Variants in H3C3 observed in about 807,000 individuals in gnomAD.
H3C3 encodes H3 clustered histone 3, also known as histone H3.1.
Under a neutral mutation model 7.7 loss-of-function variants are expected in H3C3, and 14 were observed. The observed-to-expected ratio is 1.81, with a 90% CI of 1.20 to 2.83. The LOEUF (loss-of-function observed/expected upper bound fraction) is 2.83, where lower values mean the gene tolerates loss of function less well. Ranked by LOEUF, H3C3 falls within the 30% of genes most tolerant of loss-of-function variation. H3C3 has a pLI of 0.00. For missense variants in H3C3, 205 were observed against 191.2 expected (o/e 1.07, Z -0.43); for synonymous variants, 178 against 77.1 (o/e 2.31, Z -6.86).
chr6:26,045,861 A>G lies in H3C3; in HGVS notation c.*40A>G. The G allele has an allele frequency of 6.4e-7, 1 of 1,569,562 alleles. No homozygotes were observed. The highest frequency in any genetic ancestry group is 8.7e-7 in the Non-Finnish European group (1 of 1,151,162). Reference sequence around the variant, plus strand: ...TCCTCATTGAAAAGGCTCTTTTCAGAGCCACTCACAATTTCACTTAAAAAC... The same window carrying G: ...TCCTCATTGAAAAGGCTCTTTTCAGGGCCACTCACAATTTCACTTAAAAAC... On this transcript the variant is annotated 3_prime_UTR_variant, in exon 1 of 1. Transcript: ENST00000612966.
At position 26,045,713 on chromosome 6, in the gene H3C3, G is replaced by A. The variant is rs757321049; in HGVS notation, c.303G>A (p.Leu101=). Residue 101 remains leucine (L), a synonymous_variant, in exon 1 of 1, where the codon CTG becomes CTA. Transcript: ENST00000612966. ...MALQEACEAY[L]VGLFEDTNLC... is the part of the protein sequence containing the mutation. Reference sequence around the variant, plus strand: ...TGCAGGAGGCTTGTGAGGCCTACCTGGTGGGACTCTTCGAAGACACCAATC... The same window carrying A: ...TGCAGGAGGCTTGTGAGGCCTACCTAGTGGGACTCTTCGAAGACACCAATC... 4 of 1,614,226 alleles carry A rather than the reference G, an allele frequency of 2.5e-6. No individual in the cohort carries two copies. The highest frequency in any genetic ancestry group is 2.2e-5 in the East Asian group (1 of 44,886).
chr6:26,045,580 A>G lies in H3C3; in HGVS notation c.170A>G (p.Lys57Arg). 6.2e-7 allele frequency: 1 copy of G among 1,614,218 alleles called. No individual in the cohort carries two copies. The highest frequency in any genetic ancestry group is 8.5e-7 in the Non-Finnish European group (1 of 1,180,032). ...TTGCGCGAAATCCGTCGCTACCAGA[A>G]GTCCACCGAGCTGCTGATCCGGAAG... Reference protein sequence around the residue: ...VALREIRRYQKSTELLIRKLP... With the variant: ...VALREIRRYQRSTELLIRKLP... Residue 57 changes from lysine (K) to arginine (R), a missense_variant, in exon 1 of 1, where the codon AAG becomes AGG. Transcript: ENST00000612966.
In H3C3 at chr6:26,045,480, A is replaced by G. The variant is rs1761727537; in HGVS notation, c.70A>G (p.Lys24Glu). 1 of 1,612,520 alleles carries G rather than the reference A, an allele frequency of 6.2e-7. No individual in the cohort carries two copies. ...GKAPRKQLAT[K>E]AARKSAPATG... ...AGCTCCGCGCAAGCAGCTTGCTACT[A>G]AAGCAGCCCGTAAGAGCGCTCCGGC... The change falls in exon 1 of 1, where the codon AAA (lysine) becomes GAA (glutamate). Residue 24 changes from lysine to glutamate, a missense_variant. By Grantham distance (56) the Lys-to-Glu change is moderately conservative. Coordinates refer to ENST00000612966, the MANE Select transcript of H3C3 (RefSeq NM_003531.3).
chr6:26,045,553 C>T lies in H3C3; in HGVS notation c.143C>T (p.Ala48Val). Residue 48 changes from alanine (A) to valine (V), a missense_variant, in exon 1 of 1, where the codon GCC becomes GTC. Coordinates refer to ENST00000612966, the MANE Select transcript of H3C3 (RefSeq NM_003531.3). ...CATCGCTACCGCCCGGGCACCGTGGCCTTGCGCGAAATCCGTCGCTACCAG... is the reference window on the plus strand; with the variant it reads ...CATCGCTACCGCCCGGGCACCGTGGTCTTGCGCGAAATCCGTCGCTACCAG... ...KPHRYRPGTV[A>V]LREIRRYQKS... 6.2e-7 allele frequency: 1 copy of T among 1,614,116 alleles called. No homozygotes were observed.
Position 26,045,627 on chromosome 6 carries a change from C to CGA in H3C3, c.220_221dup (p.Ile75LysfsTer17). 6.2e-7 allele frequency: 1 copy of CGA among 1,614,240 alleles called. No homozygotes were observed. Among genetic ancestry groups the CGA allele is most frequent in the Admixed American group, 1.7e-5 (1 of 60,030 alleles). ...GAAGCTGCCGTTCCAGCGCCTGGTG[C>CGA]GAGAAATCGCCCAGGACTTCAAAAC... On this transcript the variant is annotated frameshift_variant, in exon 1 of 1. Coordinates refer to ENST00000612966, the MANE Select transcript of H3C3 (RefSeq NM_003531.3). LOFTEE classifies it high-confidence loss of function.
chr6:26,045,850 G>T lies in H3C3; in HGVS notation c.*29G>T, dbSNP rs1289318519. 1 of 1,595,516 alleles carries T rather than the reference G, an allele frequency of 6.3e-7. No individual in the cohort carries two copies. Among genetic ancestry groups the T allele is most frequent in the South Asian group, 1.1e-5 (1 of 90,146 alleles). On this transcript the variant is annotated 3_prime_UTR_variant, in exon 1 of 1. Transcript: ENST00000612966. ...TGCCCGTTTCTTCCTCATTGAAAAG[G>T]CTCTTTTCAGAGCCACTCACAATTT...
rs369539577 is a variant in H3C3 at position 26,045,408 on chromosome 6, C to T, written c.-3C>T. On this transcript the variant is annotated 5_prime_UTR_variant, in exon 1 of 1. Transcript: ENST00000612966. ...TACACTTTTGTGTGTGCTCTCATTG[C>T]AAATGGCTCGTACGAAGCAAACAGC... 29 of 1,599,124 alleles carry T rather than the reference C, an allele frequency of 1.8e-5. No homozygotes were observed. The highest frequency in any genetic ancestry group is 6.7e-5 in the East Asian group (3 of 44,846).
In H3C3 at chr6:26,045,670, G is replaced by T. The variant is rs771458123; in HGVS notation, c.260G>T (p.Ser87Ile). ...TTCAAAACCGACCTGCGTTTCCAGA[G>T]CTCTGCGGTGATGGCGCTGCAGGAG... ...QDFKTDLRFQ[S>I]SAVMALQEAC... Residue 87 changes from serine to isoleucine, a missense_variant, in exon 1 of 1, where the codon AGC becomes ATC. By Grantham distance (142) the Ser-to-Ile change is moderately radical (BLOSUM62 -2). Coordinates refer to ENST00000612966, the MANE Select transcript of H3C3 (RefSeq NM_003531.3). 6 of 1,614,236 alleles carry T rather than the reference G, an allele frequency of 3.7e-6. No homozygotes were observed. The highest frequency in any genetic ancestry group is 2.2e-5 in the East Asian group (1 of 44,890).
rs757321049 is a variant in H3C3, at chr6:26,045,713, G to C, written c.303G>C (p.Leu101=). The stretch of plus-strand genomic sequence containing the variant: ...TGCAGGAGGCTTGTGAGGCCTACCT[G>C]GTGGGACTCTTCGAAGACACCAATC... ...MALQEACEAY[L]VGLFEDTNLC... The change falls in exon 1 of 1, where the codon CTG becomes CTC. Residue 101 remains leucine, a synonymous_variant. Transcript: ENST00000612966. The C allele has an allele frequency of 1.9e-6, 3 of 1,614,226 alleles. No individual in the cohort carries two copies. Among genetic ancestry groups the C allele is most frequent in the Admixed American group, 1.7e-5 (1 of 60,028 alleles).
At position 26,045,491 on chromosome 6, in the gene H3C3, T is replaced by G. The variant is rs768014161; in HGVS notation, c.81T>G (p.Arg27=). ...PRKQLATKAA[R]KSAPATGGVK... is the part of the protein sequence containing the mutation. ...AGCAGCTTGCTACTAAAGCAGCCCG[T>G]AAGAGCGCTCCGGCCACCGGTGGCG... Residue 27 remains arginine (R), a synonymous_variant, in exon 1 of 1, where the codon CGT becomes CGG. Coordinates refer to ENST00000612966, the MANE Select transcript of H3C3 (RefSeq NM_003531.3). The G allele has an allele frequency of 3.1e-6, 5 of 1,612,976 alleles. No homozygotes were observed. The highest frequency in any genetic ancestry group is 4.2e-6 in the Non-Finnish European group (5 of 1,179,712).
rs1377337333 is a variant in H3C3, at chr6:26,045,795, CG to C, written c.386del (p.Arg129LeufsTer?). On this transcript the variant is annotated frameshift_variant, in exon 1 of 1. Transcript: ENST00000612966. LOFTEE classifies it high-confidence loss of function. Reference sequence around the variant, plus strand: ...CATGCCCAAAGATATCCAGCTGGCACGTCGCATCCGTGGGGAAAGGGCATAA... The same window carrying C: ...CATGCCCAAAGATATCCAGCTGGCACTCGCATCCGTGGGGAAAGGGCATAA... ...TIMPKDIQLA[R>X]RIRGERA The C allele has an allele frequency of 6.2e-7, 1 of 1,614,196 alleles. No individual in the cohort carries two copies. The highest frequency in any genetic ancestry group is 1.7e-5 in the Admixed American group (1 of 60,026).
At position 26,045,768 on chromosome 6, in the gene H3C3, A is replaced by G. The variant is rs890784621; in HGVS notation, c.358A>G (p.Ile120Val). The G allele has an allele frequency of 6.2e-7, 1 of 1,614,236 alleles. No homozygotes were observed. The highest frequency in any genetic ancestry group is 8.5e-7 in the Non-Finnish European group (1 of 1,180,038). Reference sequence around the variant, plus strand: ...CGCTATTCACGCTAAACGCGTCACCATCATGCCCAAAGATATCCAGCTGGC... The same window carrying G: ...CGCTATTCACGCTAAACGCGTCACCGTCATGCCCAAAGATATCCAGCTGGC... ...LCAIHAKRVT[I>V]MPKDIQLARR... Residue 120 changes from isoleucine to valine, a missense_variant, in exon 1 of 1, where the codon ATC becomes GTC. Coordinates refer to ENST00000612966, the MANE Select transcript of H3C3 (RefSeq NM_003531.3).
chr6:26,045,594 C>T lies in H3C3; in HGVS notation c.184C>T (p.Leu62=), dbSNP rs200068681. The change falls in exon 1 of 1, where the codon CTG becomes TTG. Residue 62 remains leucine, a synonymous_variant. Coordinates refer to ENST00000612966, the MANE Select transcript of H3C3 (RefSeq NM_003531.3). ...IRRYQKSTEL[L]IRKLPFQRLV... Reference sequence around the variant, plus strand: ...TCGCTACCAGAAGTCCACCGAGCTGCTGATCCGGAAGCTGCCGTTCCAGCG... The same window carrying T: ...TCGCTACCAGAAGTCCACCGAGCTGTTGATCCGGAAGCTGCCGTTCCAGCG... 2.5e-4 allele frequency: 405 copies of T among 1,614,280 alleles called. No individual in the cohort carries two copies. Among genetic ancestry groups the T allele is most frequent in the Non-Finnish European group, 3.3e-4 (393 of 1,180,050 alleles).
rs759656566 is a variant in H3C3, at chr6:26,045,401, C to G, written c.-10C>G. 6 of 1,596,362 alleles carry G rather than the reference C, an allele frequency of 3.8e-6. No individual in the cohort carries two copies. Among genetic ancestry groups the G allele is most frequent in the South Asian group, 2.3e-5 (2 of 88,414 alleles). ...AGTTCACTACACTTTTGTGTGTGCT[C>G]TCATTGCAAATGGCTCGTACGAAGC... On this transcript the variant is annotated 5_prime_UTR_variant, in exon 1 of 1. Coordinates refer to ENST00000612966, the MANE Select transcript of H3C3 (RefSeq NM_003531.3).
rs760556375 is a variant in H3C3 at position 26,045,396 on chromosome 6, G to A, written c.-15G>A. On this transcript the variant is annotated 5_prime_UTR_variant, in exon 1 of 1. In the 5' UTR this introduces an upstream ATG that the reference lacks. Transcript: ENST00000612966. ...CTCTCAGTTCACTACACTTTTGTGTGTGCTCTCATTGCAAATGGCTCGTAC... is the reference window on the plus strand; with the variant it reads ...CTCTCAGTTCACTACACTTTTGTGTATGCTCTCATTGCAAATGGCTCGTAC... The A allele has an allele frequency of 1.9e-6, 3 of 1,595,068 alleles. No homozygotes were observed. Among genetic ancestry groups the A allele is most frequent in the African/African-American group, 1.4e-5 (1 of 73,304 alleles).
rs1761739413 is a variant in H3C3, at chr6:26,045,806, T to C, written c.396T>C (p.Arg132=). ...ATATCCAGCTGGCACGTCGCATCCG[T>C]GGGGAAAGGGCATAAGTCTGCCCGT... The part of the protein sequence containing the change: ...PKDIQLARRI[R]GERA Residue 132 remains arginine, a synonymous_variant, in exon 1 of 1, where the codon CGT becomes CGC. Coordinates refer to ENST00000612966, the MANE Select transcript of H3C3 (RefSeq NM_003531.3). 1.9e-6 allele frequency: 3 copies of C among 1,614,068 alleles called. No individual in the cohort carries two copies. The highest frequency in any genetic ancestry group is 2.5e-6 in the Non-Finnish European group (3 of 1,180,008).
rs766957472 is a variant in H3C3, at chr6:26,045,838, C to G, written c.*17C>G. Reference sequence around the variant, plus strand: ...AGGGCATAAGTCTGCCCGTTTCTTCCTCATTGAAAAGGCTCTTTTCAGAGC... The same window carrying G: ...AGGGCATAAGTCTGCCCGTTTCTTCGTCATTGAAAAGGCTCTTTTCAGAGC... On this transcript the variant is annotated 3_prime_UTR_variant, in exon 1 of 1. Transcript: ENST00000612966. 1.2e-6 allele frequency: 2 copies of G among 1,608,224 alleles called. No homozygotes were observed. Among genetic ancestry groups the G allele is most frequent in the Middle Eastern group, 1.7e-4 (1 of 6,046 alleles).
At position 26,045,420 on chromosome 6, in the gene H3C3, A is replaced by G; in HGVS notation, c.10A>G (p.Thr4Ala). MAR[T>A]KQTARKSTGG... ...TGTGCTCTCATTGCAAATGGCTCGT[A>G]CGAAGCAAACAGCTCGCAAGTCTAC... The change falls in exon 1 of 1, where the codon ACG becomes GCG. Residue 4 changes from threonine (T) to alanine (A), a missense_variant. By Grantham distance (58) the Thr-to-Ala change is moderately conservative (BLOSUM62 0). Transcript: ENST00000612966. The G allele has an allele frequency of 6.2e-7, 1 of 1,606,298 alleles. No individual in the cohort carries two copies. The highest frequency in any genetic ancestry group is 8.5e-7 in the Non-Finnish European group (1 of 1,178,184).
chr6:26,045,395 T>G lies in H3C3; in HGVS notation c.-16T>G. 6.3e-7 allele frequency: 1 copy of G among 1,594,612 alleles called. No individual in the cohort carries two copies. The highest frequency in any genetic ancestry group is 1.1e-5 in the South Asian group (1 of 88,176). On this transcript the variant is annotated 5_prime_UTR_variant, in exon 1 of 1. Coordinates refer to ENST00000612966, the MANE Select transcript of H3C3 (RefSeq NM_003531.3). ...GCTCTCAGTTCACTACACTTTTGTG[T>G]GTGCTCTCATTGCAAATGGCTCGTA...
Sources: allele counts gnomAD v4.1 joint callset, GRCh38; gene constraint gnomAD v4.1.1; transcripts MANE v1.5; gene names NCBI Gene and HGNC (gene_info 2026-07-23, HGNC 2026-07-21).